The following CMSS1 variants were observed in gnomAD, a reference collection of about 807,000 sequenced individuals.
CMSS1 encodes cms1 ribosomal small subunit homolog.
CMSS1 carries 33 observed loss-of-function variants against 43.5 expected under a neutral mutation model. The observed-to-expected ratio is 0.76, with a 90% CI of 0.57 to 1.01. CMSS1 has a LOEUF of 1.01. Among genes scored for constraint, CMSS1 ranks in the 50% least tolerant of loss-of-function variants. CMSS1 has a pLI of 0.00. For synonymous variants in CMSS1, 115 were observed against 117.2 expected, an observed-to-expected ratio of 0.98 and a Z score of 0.12; for missense variants, 313 against 326.4, an observed-to-expected ratio of 0.96 and a Z score of 0.32.
chr3:100,079,548 A>AT (rs2065900174), intron 1 of CMSS1, among the ~76,000 whole-genome samples: 1 of 152,180 alleles, frequency 6.6e-6, no homozygotes, highest in Admixed American at 6.5e-5. Context: ...AAAAAAGTAG[A>AT]TTTTTTATTT....
intron 1 of CMSS1, among the ~76,000 whole-genome samples, chr3:100,010,347 G>T (rs1710109161): frequency 6.6e-6 from 1 of 152,084 alleles, no homozygotes; most frequent in Non-Finnish European, 1.5e-5. Flanking sequence ...AAAAAGGCAT[G>T]TAACTGAGTA....
At chr3:99,893,420 C>G (rs1239980506) in intron 1 of CMSS1, among the ~76,000 whole-genome samples, 1 of 152,120 alleles carries the variant, frequency 6.6e-6, no homozygotes, top group Non-Finnish European at 1.5e-5. Context: ...CTGTCTCGGC[C>G]TCCCAAAGTG....
intron 1 of CMSS1, among the ~76,000 whole-genome samples, chr3:99,927,777 G>T (rs555140006): frequency 5.9e-5 from 9 of 152,180 alleles, no homozygotes; most frequent in Non-Finnish European, 7.4e-5. Context: ...AGGAATAGGA[G>T]GTCAAAACTC....
chr3:99,870,327 T>A (rs1263048410), intron 1 of CMSS1, among the ~76,000 whole-genome samples: 1 of 152,240 alleles, frequency 6.6e-6, no homozygotes, highest in Admixed American at 6.5e-5. Context: ...TCCCTGTCAA[T>A]TCAGTGTCAC....
Position 100,010,994 on chromosome 3 carries a change from C to G in CMSS1, c.65-135979C>G, listed in dbSNP as rs141511537. On this transcript the variant is annotated intron_variant, in intron 1 of 9. Transcript: ENST00000421999. ...TGCCCCTTTTAAAACAGTTATTTAA[C>G]AGAAGAAATAGAAAAATACACAATT... 7.1e-3 allele frequency among the ~76,000 whole-genome samples: 1,083 copies of G among 151,956 alleles called. 17 individuals are homozygous for G. Among genetic ancestry groups the G allele is most frequent in the African/African-American group, 0.025 (1,046 of 41,428 alleles).
chr3:100,014,895 C>CTTTTTTTTTTTTTTTTTTTTTT (rs1233573719), intron 1 of CMSS1, among the ~76,000 whole-genome samples: 23 of 25,006 alleles, frequency 9.2e-4, no homozygotes, highest in South Asian at 2.0e-3. Context: ...TTCTTTCTTT[C>CTTTTTTTTTTTTTTTTTTTTTT]TTTTTTTTTT....
At chr3:99,849,063 G>T in intron 1 of CMSS1, 1 of 1,614,084 alleles carries the variant, frequency 6.2e-7, no homozygotes, top group South Asian at 1.1e-5. Flanking sequence ...TCTGAAGATG[G>T]CCCTCCTTGG....
intron 1 of CMSS1, among the ~76,000 whole-genome samples, chr3:99,987,072 A>G (rs1472598522): frequency 6.6e-6 from 1 of 151,800 alleles, no homozygotes; most frequent in Non-Finnish European, 1.5e-5. Flanking sequence ...CTACAAAAAA[A>G]TACAAAAATT....
At chr3:100,105,496 A>C (rs2066379675) in intron 1 of CMSS1, among the ~76,000 whole-genome samples, 1 of 152,178 alleles carries the variant, frequency 6.6e-6, no homozygotes, top group Non-Finnish European at 1.5e-5. Flanking sequence ...GGCAAAAGGG[A>C]CTTCCAGGAA....
chr3:99,889,792 A>G (rs1230145370), intron 1 of CMSS1, among the ~76,000 whole-genome samples: 3 of 152,058 alleles, frequency 2.0e-5, no homozygotes, highest in Admixed American at 2.0e-4. Context: ...TACTCAGTAT[A>G]TTAATCCTCC....
At chr3:99,844,451 G>A (rs1416792131) in intron 1 of CMSS1, among the ~76,000 whole-genome samples, 2 of 152,108 alleles carry the variant, frequency 1.3e-5, no homozygotes, top group African/African-American at 4.8e-5. Flanking sequence ...ACAGAAACCA[G>A]GGTATAGGAA....
chr3:99,882,422 T>C (rs565321838), intron 1 of CMSS1, among the ~76,000 whole-genome samples: 3 of 152,316 alleles, frequency 2.0e-5, no homozygotes, highest in Admixed American at 2.0e-4. Context: ...TTCCACTTCC[T>C]CATATAATGG....
chr3:100,126,946 C>G (rs183006384), intron 1 of CMSS1, among the ~76,000 whole-genome samples: 1 of 151,302 alleles, frequency 6.6e-6, no homozygotes, highest in Non-Finnish European at 1.5e-5. Flanking sequence ...TGCAGTGAGC[C>G]GAGATCTCGC....
chr3:99,929,764 GT>G (rs1707416353), intron 1 of CMSS1: 3 of 909,832 alleles, frequency 3.3e-6, no homozygotes, highest in Non-Finnish European at 4.8e-6. Context: ...AAGTAAAACT[GT>G]AAGGAATCAA....
At chr3:99,827,117 A>T (rs1178950617) in intron 1 of CMSS1, among the ~76,000 whole-genome samples, 1 of 152,200 alleles carries the variant, frequency 6.6e-6, no homozygotes, top group Non-Finnish European at 1.5e-5. Context: ...TTGCATTTTT[A>T]TTATATTATT....
intron 1 of CMSS1, among the ~76,000 whole-genome samples, chr3:100,052,980 T>C (rs1239249353): frequency 6.6e-6 from 1 of 152,192 alleles, no homozygotes; most frequent in African/African-American, 2.4e-5. Flanking sequence ...GGATAAATGC[T>C]CTGTATATCA....
intron 1 of CMSS1, among the ~76,000 whole-genome samples, chr3:99,923,573 C>A (rs1193011647): frequency 2.0e-5 from 3 of 152,162 alleles, no homozygotes; most frequent in Non-Finnish European, 4.4e-5. Flanking sequence ...TGCGCACACC[C>A]CCCTCCCAAC....
At chr3:100,108,381 G>T (rs1259812653) in intron 1 of CMSS1, among the ~76,000 whole-genome samples, 1 of 152,114 alleles carries the variant, frequency 6.6e-6, no homozygotes, top group Non-Finnish European at 1.5e-5. Context: ...GTCACTAACT[G>T]TGCTTATTAC....
At chr3:100,110,009 A>C (rs1284889599) in intron 1 of CMSS1, 1 of 149,158 alleles carries the variant, frequency 6.7e-6, no homozygotes, top group Non-Finnish European at 1.5e-5. Flanking sequence ...TGTTCGAAGA[A>C]GAAAGATTAG....
Sources: allele counts gnomAD v4.1 joint callset (sites outside exome capture counted in the v4.1 genomes callset), GRCh38; gene constraint gnomAD v4.1.1; transcripts MANE v1.5; gene names NCBI Gene and HGNC (gene_info 2026-07-23, HGNC 2026-07-21).